Variants in TYR observed in about 807,000 individuals in gnomAD.
TYR encodes the protein LB24-AB.
A neutral mutation model predicts 51.5 loss-of-function variants in TYR; 58 were observed. That is an observed-to-expected ratio of 1.13 (90% CI 0.91 to 1.40). The LOEUF is 1.40. Ranked by LOEUF, TYR falls within the 40% of genes most tolerant of loss-of-function variation. The pLI, the probability that TYR is intolerant of heterozygous loss-of-function variation, is 0.00. For missense variants in TYR, 732 were observed against 647.4 expected (o/e 1.13, Z -1.42); for synonymous variants, 263 against 235.2 (o/e 1.12, Z -1.08).
intron 4 of TYR, among the ~76,000 whole-genome samples, chr11:89,292,659 C>T (rs1944863429): frequency 6.6e-6 from 1 of 152,074 alleles, no homozygotes; most frequent in South Asian, 2.1e-4. Context: ...CTGATTACTA[C>T]CAAGTTATTG....
chr11:89,214,547 T>C (rs1432259921), intron 2 of TYR, among the ~76,000 whole-genome samples: 1 of 152,176 alleles, frequency 6.6e-6, no homozygotes, highest in Admixed American at 6.5e-5. Flanking sequence ...CCCAAAGGAT[T>C]ATATATCATG....
At chr11:89,270,459 C>A (rs1944575311) in intron 3 of TYR, among the ~76,000 whole-genome samples, 1 of 151,808 alleles carries the variant, frequency 6.6e-6, no homozygotes, top group African/African-American at 2.4e-5. Context: ...CAGATTTTAG[C>A]TCTTTGTAAG....
At chr11:89,235,194 G>A (rs1052578500) in intron 3 of TYR, among the ~76,000 whole-genome samples, 2 of 152,138 alleles carry the variant, frequency 1.3e-5, no homozygotes, top group Admixed American at 6.6e-5. Flanking sequence ...GTTGGAGAGG[G>A]TGTGGAGAAC....
At chr11:89,258,368 G>T (rs1249061544) in intron 3 of TYR, among the ~76,000 whole-genome samples, 1 of 150,886 alleles carries the variant, frequency 6.6e-6, no homozygotes, top group Non-Finnish European at 1.5e-5. Flanking sequence ...CCTGATGGAT[G>T]TAACAACTTT....
At chr11:89,240,915 G>T (rs529189736) in intron 3 of TYR, among the ~76,000 whole-genome samples, 1 of 152,250 alleles carries the variant, frequency 6.6e-6, no homozygotes, top group South Asian at 2.1e-4. Flanking sequence ...ACTCTAAGCT[G>T]TTCTCAGGTT....
chr11:89,274,861 C>T (rs1944634196), intron 3 of TYR, among the ~76,000 whole-genome samples: 1 of 151,774 alleles, frequency 6.6e-6, no homozygotes, highest in Non-Finnish European at 1.5e-5. Flanking sequence ...ATTCCCCTCA[C>T]TTTCACTGCC....
At chr11:89,194,673 T>TATCTATCTATCTATCTATC (rs1387060247) in intron 2 of TYR, among the ~76,000 whole-genome samples, 7 of 151,996 alleles carry the variant, frequency 4.6e-5, no homozygotes. Flanking sequence ...TCTATCTATC[T>TATCTATCTATCTATCTATC]ATCTATCTAT....
intron 1 of TYR, among the ~76,000 whole-genome samples, chr11:89,190,377 G>A (rs1472202262): frequency 6.6e-6 from 1 of 152,012 alleles, no homozygotes; most frequent in Non-Finnish European, 1.5e-5. Context: ...CTCTGTGTAG[G>A]CCTATGCTAG....
At chr11:89,221,181 G>C (rs1943907846) in intron 2 of TYR, among the ~76,000 whole-genome samples, 1 of 152,202 alleles carries the variant, frequency 6.6e-6, no homozygotes, top group South Asian at 2.1e-4. Flanking sequence ...CTCACTGTTA[G>C]GGTTAGAGGA....
At chr11:89,211,808 C>G (rs1010773550) in intron 2 of TYR, among the ~76,000 whole-genome samples, 4 of 152,172 alleles carry the variant, frequency 2.6e-5, no homozygotes, top group Non-Finnish European at 4.4e-5. Context: ...CAAAACCACA[C>G]AACTACATGG....
chr11:89,239,682 A>T (rs55646226), intron 3 of TYR, among the ~76,000 whole-genome samples: 3,764 of 152,108 alleles, frequency 0.025, 165 homozygotes, highest in African/African-American at 0.086. Flanking sequence ...ATTTATTGTT[A>T]TAAATATCCT....
At chr11:89,210,432 GA>G (rs1943738431) in intron 2 of TYR, among the ~76,000 whole-genome samples, 1 of 151,916 alleles carries the variant, frequency 6.6e-6, no homozygotes, top group Non-Finnish European at 1.5e-5. Flanking sequence ...AAAAAAGAAT[GA>G]AAAGAAACAA....
At chr11:89,269,585 T>C (rs1224159646) in intron 3 of TYR, among the ~76,000 whole-genome samples, 2 of 151,990 alleles carry the variant, frequency 1.3e-5, no homozygotes, top group African/African-American at 2.4e-5. Context: ...TTTAAGTATT[T>C]TAATCTGATT....
intron 3 of TYR, among the ~76,000 whole-genome samples, chr11:89,261,880 A>C (rs1245077151): frequency 6.6e-6 from 1 of 152,148 alleles, no homozygotes; most frequent in Non-Finnish European, 1.5e-5. Context: ...AAAAAATAGA[A>C]ACTAATAATA....
intron 3 of TYR, among the ~76,000 whole-genome samples, chr11:89,239,142 T>C (rs1944159517): frequency 6.6e-6 from 1 of 152,152 alleles, no homozygotes; most frequent in African/African-American, 2.4e-5. Flanking sequence ...TTTGGAAGAG[T>C]TTTTGATGGA....
chr11:89,209,784 T>G (rs1347537882), intron 2 of TYR, among the ~76,000 whole-genome samples: 2 of 151,982 alleles, frequency 1.3e-5, no homozygotes, highest in Non-Finnish European at 2.9e-5. Flanking sequence ...CAGCAATATT[T>G]GCTGTTCTGC....
intron 3 of TYR, among the ~76,000 whole-genome samples, chr11:89,236,148 C>A (rs376456880): frequency 6.6e-5 from 10 of 151,700 alleles, no homozygotes; most frequent in Non-Finnish European, 1.2e-4. Context: ...GTTTGCAATG[C>A]GGAAAATATT....
intron 3 of TYR, among the ~76,000 whole-genome samples, chr11:89,228,308 A>T (rs907073175): frequency 2.0e-5 from 3 of 152,198 alleles, no homozygotes; most frequent in Non-Finnish European, 2.9e-5. Context: ...AGAAAAAGAC[A>T]GATGAGTCTT....
At chr11:89,234,752 ACT>A (rs1944089496) in intron 3 of TYR, among the ~76,000 whole-genome samples, 1 of 151,952 alleles carries the variant, frequency 6.6e-6, no homozygotes, top group Admixed American at 6.6e-5. Flanking sequence ...TAACATTGGC[ACT>A]GTTTGTGGTG....
Sources: gnomAD v4.1 joint callset for allele counts (sites outside exome capture counted in the v4.1 genomes callset) on GRCh38, gnomAD v4.1.1 for gene constraint, MANE v1.5 for transcripts, NCBI Gene and HGNC (gene_info 2026-07-23, HGNC 2026-07-21) for gene names.